Variants in STK3 observed in about 807,000 individuals in gnomAD.
STK3 encodes serine/threonine kinase 3.
A neutral mutation model predicts 58.0 loss-of-function variants in STK3; 41 were observed. The observed-to-expected ratio is 0.71, with a 90% CI of 0.55 to 0.92. STK3 has a LOEUF of 0.92. STK3 is among the 40% of genes least tolerant of loss of function. STK3 has a pLI of 0.00. For synonymous variants in STK3, 170 were observed against 191.0 expected (o/e 0.89, Z 0.91); for missense variants, 479 against 602.7 (o/e 0.79, Z 2.15).
the STK3 span, among the ~76,000 whole-genome samples, chr8:98,350,917 A>G: frequency 6.6e-6 from 1 of 152,210 alleles, no homozygotes. Context: ...GATACACTCT[A>G]ATAAAATTGC....
intron 10 of STK3, among the ~76,000 whole-genome samples, chr8:98,465,880 A>C (rs1336818549): frequency 6.6e-6 from 1 of 152,212 alleles, no homozygotes; most frequent in Non-Finnish European, 1.5e-5. Flanking sequence ...CCCATTTCTT[A>C]TGTGCATTTT....
intron 8 of STK3, among the ~76,000 whole-genome samples, chr8:98,570,060 TA>T (rs1316969607): frequency 6.8e-6 from 1 of 147,728 alleles, no homozygotes. Context: ...TTAAAGAATA[TA>T]AAAATATATA....
intron 6 of STK3, among the ~76,000 whole-genome samples, chr8:98,653,659 C>T (rs764747613): frequency 2.6e-5 from 4 of 152,024 alleles, no homozygotes; most frequent in East Asian, 1.9e-4. Flanking sequence ...ATATCACGAC[C>T]GATCCCACAG....
intron 7 of STK3, among the ~76,000 whole-genome samples, chr8:98,586,446 C>T (rs1814604838): frequency 6.7e-6 from 1 of 150,068 alleles, no homozygotes; most frequent in Non-Finnish European, 1.5e-5. Context: ...AGGGATGAAG[C>T]CCACTTGATC....
intron 1 of STK3, among the ~76,000 whole-genome samples, chr8:98,443,265 T>C (rs1333512661): frequency 6.6e-6 from 1 of 152,240 alleles, no homozygotes; most frequent in Admixed American, 6.5e-5. Flanking sequence ...AATTGGATAA[T>C]TATTTGTTCA....
upstream of STK3, among the ~76,000 whole-genome samples, chr8:98,828,405 C>T (rs772755884): frequency 7.6e-6 from 1 of 131,846 alleles, no homozygotes; most frequent in Non-Finnish European, 1.5e-5. Flanking sequence ...AGTTCGAGAC[C>T]AGCCTGGGAA....
chr8:98,653,001 C>T (rs1821091178), intron 6 of STK3, among the ~76,000 whole-genome samples: 3 of 152,198 alleles, frequency 2.0e-5, no homozygotes, highest in South Asian at 4.1e-4. Context: ...ATCTACAGAA[C>T]TCTCCACCCC....
chr8:98,681,456 A>C (rs992050588), intron 6 of STK3, among the ~76,000 whole-genome samples: 5 of 152,152 alleles, frequency 3.3e-5, no homozygotes, highest in Admixed American at 1.3e-4. Context: ...TAAAAATATA[A>C]ATTTTTTAAT....
chr8:98,774,664 G>T, intron 2 of STK3, 75 bp downstream of exon 2: 1 of 1,064,816 alleles, frequency 9.4e-7, no homozygotes, highest in African/African-American at 1.6e-5. Flanking sequence ...TACTCTAGTT[G>T]AAAGATTAAC....
intron 1 of STK3, among the ~76,000 whole-genome samples, chr8:98,820,188 A>C (rs945616717): frequency 6.6e-6 from 1 of 152,190 alleles, no homozygotes; most frequent in Non-Finnish European, 1.5e-5. Flanking sequence ...AGGACCCCTA[A>C]CATATGACTT....
chr8:98,359,430 G>A, the STK3 span, among the ~76,000 whole-genome samples: 1 of 150,816 alleles, frequency 6.6e-6, no homozygotes, highest in East Asian at 1.9e-4. Flanking sequence ...GGCTGAGGCG[G>A]GAGAATCACT....
chr8:98,701,629 A>AATAT (rs67212837), intron 6 of STK3, among the ~76,000 whole-genome samples: 5 of 142,380 alleles, frequency 3.5e-5, no homozygotes, highest in East Asian at 3.9e-4. Context: ...CTCAAAAAAA[A>AATAT]ATATATATAT....
At chr8:98,370,352 T>TGC (rs1554585044), downstream of STK3, among the ~76,000 whole-genome samples, 2 of 149,126 alleles carry the variant, frequency 1.3e-5, no homozygotes, top group Admixed American at 6.6e-5. Flanking sequence ...AGTGTGTGTG[T>TGC]GTGTGTGTGT....
intron 10 of STK3, among the ~76,000 whole-genome samples, chr8:98,514,526 C>T (rs534177173): frequency 2.6e-5 from 4 of 151,266 alleles, no homozygotes; most frequent in Admixed American, 2.6e-4. Context: ...TGCCCCCACA[C>T]TCCCCCTACC....
chr8:98,465,737 T>C (rs1820413458), intron 10 of STK3, among the ~76,000 whole-genome samples: 1 of 152,226 alleles, frequency 6.6e-6, no homozygotes, highest in Non-Finnish European at 1.5e-5. Context: ...GTGCTGTGTT[T>C]ACCTTGAATC....
chr8:98,378,420 G>T, intron 2 of STK3, among the ~76,000 whole-genome samples: 1 of 152,236 alleles, frequency 6.6e-6, no homozygotes, highest in Non-Finnish European at 1.5e-5. Context: ...TAAGACTTAG[G>T]TCTCAGAGTC....
chr8:98,530,627 C>T (rs956475650), intron 9 of STK3, among the ~76,000 whole-genome samples: 1 of 152,176 alleles, frequency 6.6e-6, no homozygotes, highest in African/African-American at 2.4e-5. Flanking sequence ...TGTAGTGTTT[C>T]TTAAATAATA....
chr8:98,692,363 A>G (rs1824472718), intron 6 of STK3, among the ~76,000 whole-genome samples: 1 of 152,244 alleles, frequency 6.6e-6, no homozygotes, highest in Non-Finnish European at 1.5e-5. Flanking sequence ...ATATACATAC[A>G]AAGAAATATT....
At position 98,387,872 on chromosome 8, in the gene STK3, C is replaced by CTTTTTTTTT. The variant is rs1178928185; in HGVS notation, n.56+319_56+320insAAAAAAAAA. ...GAAACCAGAGCTCTTTGTAAAATGCCCTTTTTTTTTTTTTTTTGTCAGATA... is the reference window on the plus strand; with the variant it reads ...GAAACCAGAGCTCTTTGTAAAATGCCTTTTTTTTTCTTTTTTTTTTTTTTTTGTCAGATA... On this transcript the variant is annotated intron_variant and non_coding_transcript_variant, in intron 1 of 2. Coordinates refer to the STK3 transcript ENST00000518704. Among the ~76,000 whole-genome samples the CTTTTTTTTT allele has an allele frequency of 1.4e-3, 204 of 144,686 alleles. 4 individuals are homozygous for CTTTTTTTTT. Among genetic ancestry groups the CTTTTTTTTT allele is most frequent in the African/African-American group, 5.3e-3 (188 of 35,704 alleles). 94.9% of individuals were successfully genotyped at this position (144,686 alleles called of 152,430 possible). A position where few individuals can be genotyped will look rare whatever the true frequency, so the allele number is the denominator to read the frequency against.
Sources: gnomAD v4.1 joint callset for allele counts (sites outside exome capture counted in the v4.1 genomes callset) on GRCh38, gnomAD v4.1.1 for gene constraint, MANE v1.5 for transcripts, NCBI Gene and HGNC (gene_info 2026-07-23, HGNC 2026-07-21) for gene names.